MID1: variants seen among roughly 807,000 people sequenced by gnomAD.
MID1 encodes E3 ubiquitin-protein ligase Midline-1.
A neutral mutation model predicts 40.4 loss-of-function variants in MID1; 7 were observed. That is an observed-to-expected ratio of 0.17 (90% CI 0.10 to 0.33). The LOEUF (loss-of-function observed/expected upper bound fraction) is 0.33, where lower values mean the gene tolerates loss of function less well. Ranked by LOEUF, MID1 falls within the 10% of genes least tolerant of loss-of-function variation. MID1 has a pLI of 1.00. For missense variants in MID1, 367 were observed against 558.5 expected (o/e 0.66, Z 3.46); for synonymous variants, 229 against 221.2 (o/e 1.04, Z -0.31).
At chrX:10,763,476 C>A (rs1223765086) in intron 1 of MID1, among the ~76,000 whole-genome samples, 1 of 110,970 alleles carries the variant, frequency 9.0e-6, no homozygotes, top group Non-Finnish European at 1.9e-5. Flanking sequence ...TCATCCATGT[C>A]CCTACAAAGG....
chrX:10,690,366 T>C (rs752108372), intron 1 of MID1, among the ~76,000 whole-genome samples: 421 of 111,963 alleles, frequency 3.8e-3, no homozygotes, highest in Middle Eastern at 9.2e-3. Context: ...ACATCATGTA[T>C]GCAAAAAGAA....
At chrX:10,451,076 T>G (rs186740669) in intron 9 of MID1, among the ~76,000 whole-genome samples, 2 of 111,672 alleles carry the variant, frequency 1.8e-5, no homozygotes, top group South Asian at 3.8e-4. Flanking sequence ...AAAAGAAAAT[T>G]AACACAACAT....
chrX:10,566,516 TCTCTCC>T (rs1569107620), intron 2 of MID1, among the ~76,000 whole-genome samples: 17 of 89,748 alleles, frequency 1.9e-4, no homozygotes, highest in African/African-American at 8.7e-4. Context: ...TCTCTCCCTC[TCTCTCC>T]CTCTCTCTCC....
intron 1 of MID1, among the ~76,000 whole-genome samples, chrX:10,763,832 T>C (rs1274664809): frequency 8.9e-6 from 1 of 111,971 alleles, no homozygotes; most frequent in Non-Finnish European, 1.9e-5. Context: ...CACCTGTTGT[T>C]TCCTGACTTT....
At chrX:10,751,806 C>G (rs1404396681) in intron 1 of MID1, among the ~76,000 whole-genome samples, 1 of 112,154 alleles carries the variant, frequency 8.9e-6, no homozygotes, top group Admixed American at 9.4e-5. Flanking sequence ...CCCTCCAAAT[C>G]TCATGCCGAA....
intron 1 of MID1, among the ~76,000 whole-genome samples, chrX:10,812,727 A>G (rs1210316907): frequency 8.9e-6 from 1 of 111,761 alleles, no homozygotes; most frequent in Non-Finnish European, 1.9e-5. Context: ...AGCATGAAAT[A>G]CTGTCCTTCC....
chrX:10,735,016 G>A (rs1389073222), intron 1 of MID1, among the ~76,000 whole-genome samples: 2 of 112,182 alleles, frequency 1.8e-5, no homozygotes, highest in East Asian at 2.8e-4. Flanking sequence ...GCAAGCTCAG[G>A]AGTCAATTGC....
chrX:10,711,347 G>A (rs2043266414), intron 1 of MID1, among the ~76,000 whole-genome samples: 1 of 112,117 alleles, frequency 8.9e-6, no homozygotes, highest in Non-Finnish European at 1.9e-5. Context: ...ACTCTGACAA[G>A]TTTCAAATTA....
chrX:10,560,204 T>C (rs1056045670), intron 2 of MID1, among the ~76,000 whole-genome samples: 1 of 110,848 alleles, frequency 9.0e-6, no homozygotes, highest in Admixed American at 9.7e-5. Flanking sequence ...CTTAATAACA[T>C]AGGTTCAAAA....
intron 1 of MID1, among the ~76,000 whole-genome samples, chrX:10,652,668 T>C (rs1331733959): frequency 2.7e-5 from 3 of 111,818 alleles, no homozygotes; most frequent in Non-Finnish European, 3.8e-5. Context: ...GTCCTTGCTG[T>C]GACCTAGTCC....
At chrX:10,549,429 C>T (rs761896938) in intron 2 of MID1, among the ~76,000 whole-genome samples, 14 of 113,124 alleles carry the variant, frequency 1.2e-4, no homozygotes, top group African/African-American at 4.5e-4. Context: ...AACTATGGCC[C>T]ATGGGCCAAA....
chrX:10,662,018 C>A (rs1250683064), intron 1 of MID1, among the ~76,000 whole-genome samples: 2 of 112,004 alleles, frequency 1.8e-5, no homozygotes, highest in African/African-American at 6.5e-5. Context: ...TTTAAAAACT[C>A]TTTTGGCTCG....
intron 4 of MID1, among the ~76,000 whole-genome samples, chrX:10,488,018 A>G (rs1442501089): frequency 3.3e-5 from 3 of 91,914 alleles, no homozygotes; most frequent in African/African-American, 1.3e-4. Flanking sequence ...GTCTCACTCT[A>G]TCACCCGGGC....
At chrX:10,640,501 C>G (rs1010955143) in intron 1 of MID1, among the ~76,000 whole-genome samples, 1 of 111,290 alleles carries the variant, frequency 9.0e-6, no homozygotes, top group African/African-American at 3.3e-5. Context: ...ACAGGAGCAC[C>G]CAGATTCATA....
At chrX:10,801,674 C>A (rs977694812) in intron 1 of MID1, among the ~76,000 whole-genome samples, 1 of 112,004 alleles carries the variant, frequency 8.9e-6, no homozygotes, top group Non-Finnish European at 1.9e-5. Flanking sequence ...GGACCCCCAC[C>A]TTTCATCATA....
intron 4 of MID1, among the ~76,000 whole-genome samples, chrX:10,488,035 G>A (rs908202001): frequency 5.0e-5 from 5 of 100,439 alleles, no homozygotes; most frequent in African/African-American, 1.9e-4. Context: ...GGGCTGGAGT[G>A]TAGTGGCATC....
At chrX:10,617,163 G>A (rs1288122678) in intron 1 of MID1, among the ~76,000 whole-genome samples, 1 of 112,138 alleles carries the variant, frequency 8.9e-6, no homozygotes, top group East Asian at 2.8e-4. Context: ...CTGGGTGGGT[G>A]AGTATTCATC....
chrX:10,715,469 A>T (rs1364646546), intron 1 of MID1, among the ~76,000 whole-genome samples: 1 of 111,954 alleles, frequency 8.9e-6, no homozygotes, highest in Non-Finnish European at 1.9e-5. Flanking sequence ...GTCTGAGATC[A>T]AACTGCAAGG....
rs1392314749 is a variant in MID1, at chrX:10,447,225, GCTTA to G, written c.*2139_*2142del. 2 of 111,311 alleles carry G rather than the reference GCTTA, an allele frequency of 1.8e-5. No homozygotes were observed. The highest frequency in any genetic ancestry group is 3.8e-4 in the South Asian group (1 of 2,630). 9.2% of individuals were successfully genotyped at this position (111,311 alleles called of 1,213,427 possible). Reference sequence around the variant, plus strand: ...AAAATAGCCAAACATACCCTAAATGGCTTACTGTGAAAATTTGAGTAGTAACTTC... The same window carrying G: ...AAAATAGCCAAACATACCCTAAATGGCTGTGAAAATTTGAGTAGTAACTTC... On this transcript the variant is annotated 3_prime_UTR_variant, in exon 10 of 10. Coordinates refer to ENST00000317552, the MANE Select transcript of MID1 (RefSeq NM_000381.4).
Sources: gnomAD v4.1 joint callset for allele counts (sites outside exome capture counted in the v4.1 genomes callset) on GRCh38, gnomAD v4.1.1 for gene constraint, MANE v1.5 for transcripts, NCBI Gene and HGNC (gene_info 2026-07-23, HGNC 2026-07-21) for gene names.